Variants in FAM153A observed in about 807,000 individuals in gnomAD.
The protein encoded by FAM153A is family with sequence similarity 153 member A.
A neutral mutation model predicts 48.1 loss-of-function variants in FAM153A; 12 were observed. That is an observed-to-expected ratio of 0.25 (90% confidence interval 0.16 to 0.40). The LOEUF (loss-of-function observed/expected upper bound fraction) is 0.40, where lower values mean the gene tolerates loss of function less well. Among genes scored for constraint, FAM153A ranks in the 10% least tolerant of loss-of-function variants. The pLI is 1.00. For missense variants in FAM153A, 111 were observed against 345.8 expected (o/e 0.32, Z 5.38); for synonymous variants, 36 against 118.2 (o/e 0.30, Z 4.51).
chr5:177,736,971 C>T (rs1764766068), intron 11 of FAM153A, 71 bp downstream of exon 13: 3 of 1,257,544 alleles, frequency 2.4e-6, no homozygotes, highest in Non-Finnish European at 3.2e-6. Flanking sequence ...ATGTATACAT[C>T]TTAATTCAAT....
downstream of FAM153A, among the ~76,000 whole-genome samples, chr5:177,706,462 G>C (rs1757901641): frequency 6.6e-6 from 1 of 151,888 alleles, no homozygotes; most frequent in Non-Finnish European, 1.5e-5. Context: ...GCCTCCCAAA[G>C]TGCTGGGATT....
chr5:177,734,654 A>C, intron 13 of FAM153A, among the ~76,000 whole-genome samples: 7 of 145,686 alleles, frequency 4.8e-5, no homozygotes, highest in Admixed American at 1.3e-4. Flanking sequence ...GGTAAGGCTC[A>C]CTGTTACACA....
chr5:177,724,248 T>C, intron 20 of FAM153A, 42 bp from the exon 23 acceptor site: 1 of 1,570,794 alleles, frequency 6.4e-7, no homozygotes, highest in Non-Finnish European at 8.7e-7. Context: ...AAGAAGAACA[T>C]GGGCACGTGC....
At chr5:177,708,149 A>G (rs115131389), downstream of FAM153A, 922 of 153,734 alleles carry the variant, frequency 6.0e-3, 23 homozygotes, top group African/African-American at 0.022. Flanking sequence ...ACCAAAAAGC[A>G]TTGATGAACA....
chr5:177,772,327 C>T (rs1370764784), intron 1 of FAM153A, among the ~76,000 whole-genome samples: 5 of 81,828 alleles, frequency 6.1e-5, no homozygotes, highest in Non-Finnish European at 2.4e-5. Flanking sequence ...CGGGTGATTT[C>T]TGCATTTCCA....
intron 11 of FAM153A, among the ~76,000 whole-genome samples, 155 bp downstream of exon 13, chr5:177,736,887 T>C (rs2127647810): frequency 1.0e-5 from 1 of 98,448 alleles, no homozygotes; most frequent in South Asian, 4.3e-4. Flanking sequence ...CTGAAACCAC[T>C]CTTTAGTTGA....
chr5:177,759,821 G>A (rs1208698725), intron 1 of FAM153A, among the ~76,000 whole-genome samples: 1 of 151,158 alleles, frequency 6.6e-6, no homozygotes, highest in Non-Finnish European at 1.5e-5. Flanking sequence ...TTGTGGGGGG[G>A]AGGGATAGCA....
the FAM153A span, among the ~76,000 whole-genome samples, chr5:177,697,757 G>A: frequency 6.6e-6 from 1 of 151,900 alleles, no homozygotes; most frequent in African/African-American, 2.4e-5. Context: ...TTTATAGAAT[G>A]TACCTTCTTT....
downstream of FAM153A, among the ~76,000 whole-genome samples, chr5:177,705,052 C>G (rs1269475758): frequency 5.3e-5 from 8 of 150,108 alleles, no homozygotes; most frequent in Non-Finnish European, 1.2e-4. Flanking sequence ...ATTTGTAATC[C>G]CAGCACTCTG....
chr5:177,696,297 C>T, the FAM153A span, among the ~76,000 whole-genome samples: 19 of 128,500 alleles, frequency 1.5e-4, no homozygotes, highest in South Asian at 2.7e-4. Context: ...ACTTCCCAGA[C>T]GGGGTGGCGG....
chr5:177,754,650 C>A (rs1388211024), upstream of FAM153A, among the ~76,000 whole-genome samples: 1 of 151,830 alleles, frequency 6.6e-6, no homozygotes, highest in Non-Finnish European at 1.5e-5. Context: ...TCCAGAGGAA[C>A]AATCAGGCAG....
At position 177,751,009 on chromosome 5, in the gene FAM153A, C is replaced by CA; in HGVS notation, c.74_75insT (p.Glu26GlyfsTer10). 1.3e-6 allele frequency: 1 copy of CA among 746,136 alleles called. No homozygotes were observed. Among genetic ancestry groups the CA allele is most frequent in the Non-Finnish European group, 2.2e-6 (1 of 462,902 alleles). 46.2% of individuals were successfully genotyped at this position (746,136 alleles called of 1,614,324 possible). A position where few individuals can be genotyped will look rare whatever the true frequency, so the allele number is the denominator to read the frequency against. ...GCTCGCGGTGGCAGACGGTGGATTC[C>CA]CCTGGCATCCTAGGATACACTATTT... On this transcript the variant is annotated frameshift_variant, in exon 2 of 21. Coordinates refer to ENST00000614127, the Ensembl canonical transcript of FAM153A. LOFTEE classifies it high-confidence loss of function.
At chr5:177,700,550 C>T in the FAM153A span, among the ~76,000 whole-genome samples, 19 of 151,966 alleles carry the variant, frequency 1.3e-4, no homozygotes, top group Non-Finnish European at 1.5e-5. Context: ...TGCCTGTAAT[C>T]CCAGCACTTT....
chr5:177,703,630 G>A, downstream of FAM153A, among the ~76,000 whole-genome samples: 1 of 145,028 alleles, frequency 6.9e-6, no homozygotes. Flanking sequence ...ATTGGACCAT[G>A]GAGGCGGTTT....
At chr5:177,756,481 CA>C (rs1459579322), upstream of FAM153A, among the ~76,000 whole-genome samples, 2 of 140,322 alleles carry the variant, frequency 1.4e-5, no homozygotes, top group African/African-American at 2.6e-5. Context: ...CTGCACCAAG[CA>C]GACCTAATAG....
chr5:177,780,211 GTT>G (rs1003238761), intron 1 of FAM153A, among the ~76,000 whole-genome samples: 1 of 60,636 alleles, frequency 1.6e-5, no homozygotes, highest in Non-Finnish European at 3.3e-5. Context: ...AGATAATACT[GTT>G]TGAGATTATA....
exon 1 of FAM153A, chr5:177,753,190 C>A: frequency 1.2e-6 from 2 of 1,611,818 alleles, no homozygotes; most frequent in Non-Finnish European, 1.7e-6. Flanking sequence ...AAGGCAACAA[C>A]TATAAACACA....
intron 1 of FAM153A, among the ~76,000 whole-genome samples, chr5:177,758,681 A>G (rs1484589233): frequency 6.6e-6 from 1 of 150,904 alleles, no homozygotes; most frequent in Non-Finnish European, 1.5e-5. Context: ...ACATATCTAC[A>G]ACTATCTGAT....
chr5:177,717,492 C>A (rs1317577338), downstream of FAM153A, among the ~76,000 whole-genome samples: 1 of 151,134 alleles, frequency 6.6e-6, no homozygotes, highest in Admixed American at 6.6e-5. Context: ...ATGCTGAAAC[C>A]AGCTCGTGAA....
Sources: allele counts gnomAD v4.1 joint callset (sites outside exome capture counted in the v4.1 genomes callset), GRCh38; gene constraint gnomAD v4.1.1; transcripts MANE v1.5; gene names NCBI Gene and HGNC (gene_info 2026-07-23, HGNC 2026-07-21).